TECRL: variants seen among roughly 807,000 people sequenced by gnomAD.
TECRL encodes the protein trans-2,3-enoyl-CoA reductase-like.
TECRL carries 63 observed loss-of-function variants against 52.8 expected under a neutral mutation model. The observed-to-expected ratio is 1.19, with a 90% CI of 0.97 to 1.47. The LOEUF is 1.47. Among genes scored for constraint, TECRL ranks in the 40% most tolerant of loss-of-function variants. The pLI is 0.00. For synonymous variants in TECRL, 164 were observed against 141.9 expected (o/e 1.16, Z -1.10); for missense variants, 482 against 429.6 (o/e 1.12, Z -1.08).
rs1391932702 is a variant in TECRL at position 64,280,145 on chromosome 4, T to C, written c.1019A>G (p.Lys340Arg). 1.9e-6 allele frequency: 3 copies of C among 1,603,810 alleles called. No individual in the cohort carries two copies. The highest frequency in any genetic ancestry group is 2.6e-6 in the Non-Finnish European group (3 of 1,175,568). The change falls in exon 12 of 12, where the codon AAA (lysine) becomes AGA (arginine). Residue 340 changes from lysine to arginine, a missense_variant. Coordinates refer to ENST00000381210, the MANE Select transcript of TECRL (RefSeq NM_001010874.5). Reference sequence around the variant, plus strand: ...GAATTTTCTCAGATAAATCTTATGTTTCTTTTGTGCCCACAAAGACATCTG... The same window carrying C: ...GAATTTTCTCAGATAAATCTTATGTCTCTTTTGTGCCCACAAAGACATCTG... ...SIQMSLWAQK[K>R]HKIYLRKFNS...
chr4:64,307,768 C>A (rs1320413816), intron 6 of TECRL, among the ~76,000 whole-genome samples: 1 of 152,136 alleles, frequency 6.6e-6, no homozygotes, highest in Non-Finnish European at 1.5e-5. Flanking sequence ...ACTCTTAAAT[C>A]AAACTCTGAC....
chr4:64,346,248 T>C (rs1719973860), intron 2 of TECRL, among the ~76,000 whole-genome samples: 2 of 152,210 alleles, frequency 1.3e-5, no homozygotes, highest in Admixed American at 1.3e-4. Context: ...TGTCAGTGGA[T>C]CTACCATTCT....
At chr4:64,363,607 C>T (rs1721355890) in intron 2 of TECRL, among the ~76,000 whole-genome samples, 1 of 151,900 alleles carries the variant, frequency 6.6e-6, no homozygotes, top group South Asian at 2.1e-4. Context: ...AAGAGGAGAA[C>T]AAAGGAAGTA....
rs188082635 is a variant in TECRL, at chr4:64,399,471, G to A, written c.234+9647C>T. On this transcript the variant is annotated intron_variant, in intron 1 of 11. Coordinates refer to ENST00000381210, the MANE Select transcript of TECRL (RefSeq NM_001010874.5). ...GAGAAATTTGTGTAACTAAGAAGAAGGCAAGTGCTGATAGCCAAGACAATG... is the reference window on the plus strand; with the variant it reads ...GAGAAATTTGTGTAACTAAGAAGAAAGCAAGTGCTGATAGCCAAGACAATG... Among the ~76,000 whole-genome samples the A allele has an allele frequency of 2.1e-3, 316 of 152,302 alleles. 6 individuals carry two copies. The highest frequency in any genetic ancestry group is 0.019 in the Admixed American group (286 of 15,296).
intron 2 of TECRL, among the ~76,000 whole-genome samples, chr4:64,374,186 C>A (rs573278837): frequency 6.7e-6 from 1 of 149,580 alleles, no homozygotes; most frequent in African/African-American, 2.4e-5. Flanking sequence ...AAAAATATCA[C>A]CTTCCTCAAG....
chr4:64,378,801 A>G (rs1365298426), intron 1 of TECRL, among the ~76,000 whole-genome samples: 3 of 152,040 alleles, frequency 2.0e-5, no homozygotes, highest in African/African-American at 7.2e-5. Flanking sequence ...GAATTATACT[A>G]TGGTTTCTCT....
chr4:64,383,904 G>A (rs1471102328), intron 1 of TECRL, among the ~76,000 whole-genome samples: 1 of 151,418 alleles, frequency 6.6e-6, no homozygotes, highest in Non-Finnish European at 1.5e-5. Flanking sequence ...TTTTCCTGTA[G>A]ATGTCCCTGT....
intron 2 of TECRL, among the ~76,000 whole-genome samples, chr4:64,370,602 A>C (rs995779573): frequency 6.6e-6 from 1 of 151,858 alleles, no homozygotes; most frequent in Middle Eastern, 3.2e-3. Context: ...GAGTAGAAAA[A>C]TTCCAGTAAT....
intron 2 of TECRL, among the ~76,000 whole-genome samples, chr4:64,344,028 T>C (rs1000395025): frequency 6.6e-6 from 1 of 152,052 alleles, no homozygotes; most frequent in South Asian, 2.1e-4. Context: ...GTAATCTGTG[T>C]ATAAATATCT....
At position 64,365,248 on chromosome 4, in the gene TECRL, A is replaced by T. The variant is rs1721515152; in HGVS notation, c.286+9924T>A. On this transcript the variant is annotated intron_variant, in intron 2 of 11. Coordinates refer to ENST00000381210, the MANE Select transcript of TECRL (RefSeq NM_001010874.5). ...TATACATAAAAGGAACATACCTCAA[A>T]ATAATGAAAACCATGTTTGCCAACA... Among the ~76,000 whole-genome samples, 3 of 151,990 alleles carry T rather than the reference A, an allele frequency of 2.0e-5. 1 individual carries two copies. Among genetic ancestry groups the T allele is most frequent in the Admixed American group, 2.0e-4 (3 of 15,224 alleles).
At chr4:64,297,668 T>A (rs1723765189) in intron 8 of TECRL, among the ~76,000 whole-genome samples, 1 of 151,212 alleles carries the variant, frequency 6.6e-6, no homozygotes, top group South Asian at 2.1e-4. Context: ...ATAGTACTTA[T>A]AATAACTTTC....
At chr4:64,352,893 T>C (rs76699674) in intron 2 of TECRL, among the ~76,000 whole-genome samples, 5 of 152,222 alleles carry the variant, frequency 3.3e-5, no homozygotes, top group African/African-American at 1.2e-4. Context: ...TATTTATTTA[T>C]TATTGTTTTT....
Position 64,309,815 on chromosome 4 carries a change from A to C in TECRL, c.657+11T>G, listed in dbSNP as rs758656191. The stretch of plus-strand genomic sequence containing the variant: ...GTCTCAATCATTATTAAAAACACAA[A>C]GCATCCTCACCATTATCAAATTTTT... On this transcript the variant is annotated intron_variant, in intron 6 of 11. Coordinates refer to ENST00000381210, the MANE Select transcript of TECRL (RefSeq NM_001010874.5). The C allele has an allele frequency of 1.3e-6, 2 of 1,515,714 alleles. No homozygotes were observed. The highest frequency in any genetic ancestry group is 3.4e-5 in the Admixed American group (2 of 59,004). The allele number at this position is 1,515,714 out of a possible 1,614,324, so 93.9% of individuals were successfully genotyped here. A position where few individuals can be genotyped will look rare whatever the true frequency, so the allele number is the denominator to read the frequency against.
intron 1 of TECRL, among the ~76,000 whole-genome samples, chr4:64,386,209 T>C (rs1429802263): frequency 6.6e-6 from 1 of 152,144 alleles, no homozygotes; most frequent in Non-Finnish European, 1.5e-5. Flanking sequence ...AATTACAGCA[T>C]TATTAACCAT....
intron 2 of TECRL, among the ~76,000 whole-genome samples, chr4:64,358,018 G>A (rs13139972): frequency 0.9 from 136,125 of 151,510 alleles, 61,802 homozygotes; most frequent in East Asian, 1. Context: ...CCAAAATAGA[G>A]TCTAATACTA....
intron 1 of TECRL, among the ~76,000 whole-genome samples, chr4:64,398,971 G>C (rs772352478): frequency 4.6e-5 from 7 of 152,158 alleles, no homozygotes; most frequent in Non-Finnish European, 4.4e-5. Flanking sequence ...TTGTGCCCAT[G>C]CCCTAGGGAT....
intron 1 of TECRL, among the ~76,000 whole-genome samples, chr4:64,399,493 A>G (rs1219730783): frequency 1.3e-5 from 2 of 152,178 alleles, no homozygotes; most frequent in African/African-American, 4.8e-5. Context: ...TAGCCAAGAC[A>G]ATGAGAAAAA....
At chr4:64,386,046 T>G (rs1723158575) in intron 1 of TECRL, among the ~76,000 whole-genome samples, 1 of 152,090 alleles carries the variant, frequency 6.6e-6, no homozygotes, top group African/African-American at 2.4e-5. Flanking sequence ...AATCCTTCCT[T>G]GTATAGGAAG....
intron 6 of TECRL, among the ~76,000 whole-genome samples, chr4:64,308,042 C>A (rs1292783813): frequency 1.1e-4 from 17 of 152,130 alleles, no homozygotes; most frequent in Non-Finnish European, 1.5e-5. Context: ...CACCCTCTCA[C>A]AGCCTGAAAA....
Sources: gnomAD v4.1 joint callset for allele counts (sites outside exome capture counted in the v4.1 genomes callset) on GRCh38, gnomAD v4.1.1 for gene constraint, MANE v1.5 for transcripts, NCBI Gene and HGNC (gene_info 2026-07-23, HGNC 2026-07-21) for gene names.